The following OSBP variants were observed in gnomAD, a reference collection of about 807,000 sequenced individuals.
The protein encoded by OSBP is oxysterol-binding protein 1.
Under a neutral mutation model 96.6 loss-of-function variants are expected in OSBP, and 32 were observed. The observed-to-expected ratio is 0.33, with a 90% CI of 0.25 to 0.45. The LOEUF is 0.45. Ranked by LOEUF, OSBP falls within the 20% of genes least tolerant of loss-of-function variation. The probability of loss-of-function intolerance (pLI) is 1.00; values close to 1 mark genes in which losing one functional copy is unlikely to be tolerated. For missense variants in OSBP, 653 were observed against 1,029.7 expected, an observed-to-expected ratio of 0.63 and a Z score of 5.01; for synonymous variants, 369 against 389.6, an observed-to-expected ratio of 0.95 and a Z score of 0.62.
intron 1 of OSBP, among the ~76,000 whole-genome samples, chr11:59,611,150 A>AAAAAAAAAG (rs1554981341): frequency 1.3e-5 from 2 of 150,606 alleles, no homozygotes; most frequent in African/African-American, 4.9e-5. Context: ...AAAAAAAAAA[A>AAAAAAAAAG]AAAGAAAGAA....
chr11:59,576,354 C>T lies in OSBP; in HGVS notation c.*223G>A, dbSNP rs1860361433. 3 of 533,030 alleles carry T rather than the reference C, an allele frequency of 5.6e-6. No homozygotes were observed. The highest frequency in any genetic ancestry group is 4.9e-4 in the Middle Eastern group (1 of 2,052). 33.0% of individuals were successfully genotyped at this position (533,030 alleles called of 1,614,324 possible). On this transcript the variant is annotated 3_prime_UTR_variant, in exon 14 of 14. Coordinates refer to ENST00000263847, the MANE Select transcript of OSBP (RefSeq NM_002556.3). ...CTTCGGCCACTAAACCTCTCCCTTA[C>T]AGACATAGTATCTCCTATGTCGATT...
At chr11:59,586,896 G>T (rs1308481495) in intron 9 of OSBP, among the ~76,000 whole-genome samples, 2 of 152,132 alleles carry the variant, frequency 1.3e-5, no homozygotes, top group Non-Finnish European at 2.9e-5. Context: ...AGACCTAAAT[G>T]TAAGACCTAA....
chr11:59,590,166 A>G (rs1482413608), intron 9 of OSBP, among the ~76,000 whole-genome samples: 1 of 152,110 alleles, frequency 6.6e-6, no homozygotes, highest in Non-Finnish European at 1.5e-5. Context: ...TTTCATTGGT[A>G]TTAGATTTTC....
Position 59,594,372 on chromosome 11 carries a change from C to T in OSBP, c.1312-117G>A, listed in dbSNP as rs568361577. 3.5e-5 allele frequency: 34 copies of T among 961,556 alleles called. No individual in the cohort carries two copies. In the African/African-American group the frequency reaches 4.3e-4, roughly 12 times the overall value. 59.6% of individuals were successfully genotyped at this position (961,556 alleles called of 1,614,324 possible). On this transcript the variant is annotated intron_variant, in intron 7 of 13. Coordinates refer to ENST00000263847, the MANE Select transcript of OSBP (RefSeq NM_002556.3). ...GAAAAGAGGGCTTTGCTCAGTAGAGCGGCTCTAATATTTAACCCGCAAACA... is the reference window on the plus strand; with the variant it reads ...GAAAAGAGGGCTTTGCTCAGTAGAGTGGCTCTAATATTTAACCCGCAAACA...
At position 59,615,515 on chromosome 11, in the gene OSBP, C is replaced by G; in HGVS notation, c.150G>C (p.Val50=). Residue 50 remains valine, a synonymous_variant, in exon 1 of 14, where the codon GTG becomes GTC. Transcript: ENST00000263847. ...GPGSGAASGT[V]VAAAAGGPGP... is the part of the protein sequence containing the mutation. The stretch of plus-strand genomic sequence containing the variant: ...CCGGGCCTCCCGCCGCCGCCGCGAC[C>G]ACCGTCCCTGACGCGGCCCCGGAGC... 3 of 1,246,634 alleles carry G rather than the reference C, an allele frequency of 2.4e-6. No individual in the cohort carries two copies. Among genetic ancestry groups the G allele is most frequent in the Non-Finnish European group, 3.0e-6 (3 of 994,876 alleles). The allele number at this position is 1,246,634 out of a possible 1,614,324, so 77.2% of individuals were successfully genotyped here.
chr11:59,613,981 T>C (rs1014993551), intron 1 of OSBP, among the ~76,000 whole-genome samples: 9 of 152,158 alleles, frequency 5.9e-5, no homozygotes, highest in Non-Finnish European at 1.0e-4. Context: ...AAAAGAAATA[T>C]AGAGTGAGCT....
chr11:59,581,606 C>T lies in OSBP; in HGVS notation c.1679-52G>A, dbSNP rs188115254. 137 of 937,372 alleles carry T rather than the reference C, an allele frequency of 1.5e-4. 1 individual carries two copies. The highest frequency in any genetic ancestry group is 9.7e-5 in the African/African-American group (6 of 62,004). 58.1% of individuals were successfully genotyped at this position (937,372 alleles called of 1,614,324 possible). A position where few individuals can be genotyped will look rare whatever the true frequency, so the allele number is the denominator to read the frequency against. ...TAAGCCAAATGTCAGAAAAATAGCA[C>T]CATGCAGCCTCAAAACAGTAATGGA... On this transcript the variant is annotated intron_variant, in intron 9 of 13. Transcript: ENST00000263847.
intron 9 of OSBP, among the ~76,000 whole-genome samples, chr11:59,592,931 G>A (rs1860604034): frequency 6.6e-6 from 1 of 151,992 alleles, no homozygotes; most frequent in Admixed American, 6.6e-5. Context: ...GAGTAGCTGA[G>A]ACTACAGGTG....
chr11:59,603,592 AG>A (rs1464274200), intron 3 of OSBP, among the ~76,000 whole-genome samples: 2 of 135,000 alleles, frequency 1.5e-5, no homozygotes, highest in African/African-American at 5.7e-5. Context: ...GTTGGAGTGC[AG>A]TGGCACAATC....
intron 9 of OSBP, among the ~76,000 whole-genome samples, chr11:59,592,665 T>G (rs1860599802): frequency 6.6e-6 from 1 of 152,350 alleles, no homozygotes. Flanking sequence ...AGCTCTACCA[T>G]ACTTTTTGAA....
chr11:59,580,096 T>C lies in OSBP; in HGVS notation c.1878+78A>G, dbSNP rs562124855. The C allele has an allele frequency of 1.5e-5, 14 of 933,442 alleles. No individual in the cohort carries two copies. In the African/African-American group the frequency reaches 1.8e-4, roughly 12 times the overall value. 57.8% of individuals were successfully genotyped at this position (933,442 alleles called of 1,614,324 possible). A position where few individuals can be genotyped will look rare whatever the true frequency, so the allele number is the denominator to read the frequency against. ...ACCCCCATACCACCCCACATGTATA[T>C]ACATTCCAGTCCTAAAGGAGTATGC... On this transcript the variant is annotated intron_variant, in intron 11 of 13. Coordinates refer to ENST00000263847, the MANE Select transcript of OSBP (RefSeq NM_002556.3).
At chr11:59,583,615 A>G (rs980458619) in intron 9 of OSBP, among the ~76,000 whole-genome samples, 22 of 150,226 alleles carry the variant, frequency 1.5e-4, no homozygotes, top group Admixed American at 7.9e-4. Flanking sequence ...TGCTCCACCT[A>G]AACATATTCT....
At chr11:59,585,445 C>T (rs1275975122) in intron 9 of OSBP, among the ~76,000 whole-genome samples, 2 of 151,452 alleles carry the variant, frequency 1.3e-5, no homozygotes, top group African/African-American at 2.4e-5. Context: ...CGGCAGCCGC[C>T]CCGTCTGAGA....
chr11:59,580,285 A>T lies in OSBP; in HGVS notation c.1783-16T>A. ...TTTCGCCAGACTGTAAAATGAAAAA[A>T]TTCAGTTTTATTAAGACTGGATAAA... is the stretch of plus-strand genomic sequence containing the variant. On this transcript the variant is annotated splice_polypyrimidine_tract_variant and intron_variant, in intron 10 of 13. Transcript: ENST00000263847. 2 of 1,512,128 alleles carry T rather than the reference A, an allele frequency of 1.3e-6. No homozygotes were observed. Among genetic ancestry groups the T allele is most frequent in the South Asian group, 2.2e-5 (2 of 89,034 alleles). The allele number at this position is 1,512,128 out of a possible 1,614,324, so 93.7% of individuals were successfully genotyped here. A position where few individuals can be genotyped will look rare whatever the true frequency, so the allele number is the denominator to read the frequency against.
intron 3 of OSBP, among the ~76,000 whole-genome samples, chr11:59,602,370 C>A (rs557689632): frequency 1.3e-5 from 2 of 152,208 alleles, no homozygotes; most frequent in Admixed American, 1.3e-4. Context: ...AAATTAGGAG[C>A]CTTCAGTGTG....
chr11:59,584,335 C>A (rs1230130462), intron 9 of OSBP, among the ~76,000 whole-genome samples: 1 of 152,116 alleles, frequency 6.6e-6, no homozygotes, highest in Non-Finnish European at 1.5e-5. Context: ...ACTATAAAAA[C>A]CCAAAGCTAC....
chr11:59,599,374 T>A (rs1860692864), intron 7 of OSBP, among the ~76,000 whole-genome samples: 1 of 152,222 alleles, frequency 6.6e-6, no homozygotes, highest in African/African-American at 2.4e-5. Flanking sequence ...CCTGAGGGCC[T>A]TAGTGTGATG....
At chr11:59,593,933 T>C in intron 8 of OSBP, 77 bp downstream of exon 8, 1 of 1,551,074 alleles carries the variant, frequency 6.4e-7, no homozygotes, top group South Asian at 1.2e-5. Flanking sequence ...TCTGCAAACA[T>C]AAGACCCAGG....
chr11:59,589,151 CTTTT>C (rs11335531), intron 9 of OSBP, among the ~76,000 whole-genome samples: 5 of 124,000 alleles, frequency 4.0e-5, no homozygotes, highest in Admixed American at 1.7e-4. Context: ...AGCAATCATT[CTTTT>C]TTTTTTTTTT....
Sources: gnomAD v4.1 joint callset for allele counts (sites outside exome capture counted in the v4.1 genomes callset) on GRCh38, gnomAD v4.1.1 for gene constraint, MANE v1.5 for transcripts, NCBI Gene and HGNC (gene_info 2026-07-23, HGNC 2026-07-21) for gene names.